HBP1: variants seen among roughly 807,000 people sequenced by gnomAD.
HBP1 encodes HMG box-containing protein 1.
Under a neutral mutation model 62.6 loss-of-function variants are expected in HBP1, and 20 were observed. The ratio of observed to expected loss-of-function variants is 0.32; its 90% confidence interval spans 0.22 to 0.46. The LOEUF is 0.46. Ranked by LOEUF, HBP1 falls within the 20% of genes least tolerant of loss-of-function variation. HBP1 has a pLI of 1.00. For missense variants in HBP1, 480 were observed against 611.8 expected (o/e 0.78, Z 2.27); for synonymous variants, 232 against 206.2 (o/e 1.12, Z -1.07).
intron 3 of HBP1, among the ~76,000 whole-genome samples, chr7:107,184,559 C>T (rs111450405): frequency 1.4e-4 from 22 of 151,968 alleles, no homozygotes; most frequent in African/African-American, 4.6e-4. Context: ...CGCCCAGGCT[C>T]GAGTGCAGTG....
chr7:107,183,593 A>C lies in HBP1; in HGVS notation c.398+992A>C, dbSNP rs539042071. Among the ~76,000 whole-genome samples the C allele has an allele frequency of 3.3e-5, 5 of 152,206 alleles. 1 individual carries two copies. In the East Asian group the frequency reaches 9.6e-4, roughly 29 times the overall value. On this transcript the variant is annotated intron_variant, in intron 3 of 10. Transcript: ENST00000222574. The stretch of plus-strand genomic sequence containing the variant: ...TTGTAATCTTAATAGTCAAAAAGCT[A>C]AAAATTCTTTTATTTATTTATTTTT...
At chr7:107,170,062 T>C (rs895231873) in intron 1 of HBP1, 31 of 985,236 alleles carry the variant, frequency 3.1e-5, no homozygotes, top group South Asian at 1.4e-4. Flanking sequence ...CGCTGTGCAC[T>C]CTACACTCGA....
At chr7:107,182,868 C>CTA (rs1380261871) in intron 3 of HBP1, among the ~76,000 whole-genome samples, 1 of 152,088 alleles carries the variant, frequency 6.6e-6, no homozygotes, top group Non-Finnish European at 1.5e-5. Flanking sequence ...AATACTTTTA[C>CTA]TATACATTTC....
intron 3 of HBP1, among the ~76,000 whole-genome samples, chr7:107,184,231 T>G (rs570415482): frequency 6.6e-6 from 1 of 152,260 alleles, no homozygotes; most frequent in East Asian, 1.9e-4. Flanking sequence ...TTCATATATA[T>G]CTAAATGTGT....
At chr7:107,183,471 T>C (rs548377415) in intron 3 of HBP1, among the ~76,000 whole-genome samples, 3 of 152,338 alleles carry the variant, frequency 2.0e-5, no homozygotes, top group African/African-American at 4.8e-5. Context: ...CTAGAGCAAA[T>C]TGAATTTAAT....
intron 8 of HBP1, among the ~76,000 whole-genome samples, chr7:107,194,146 A>T (rs780546776): frequency 5.9e-5 from 9 of 152,210 alleles, no homozygotes; most frequent in Non-Finnish European, 1.2e-4. Context: ...CTATGTCATT[A>T]CTGCTGCAGT....
chr7:107,198,368 C>G (rs1013510587), intron 9 of HBP1, among the ~76,000 whole-genome samples: 8 of 152,158 alleles, frequency 5.3e-5, no homozygotes, highest in Non-Finnish European at 1.0e-4. Flanking sequence ...ACCACCACAC[C>G]TGGCTAATTT....
chr7:107,172,785 A>G (rs1430133368), intron 1 of HBP1, among the ~76,000 whole-genome samples: 4 of 151,976 alleles, frequency 2.6e-5, no homozygotes, highest in Admixed American at 2.6e-4. Flanking sequence ...TAGAGATGGG[A>G]TCTTGCTATG....
At chr7:107,177,461 C>A (rs1244639256) in intron 1 of HBP1, among the ~76,000 whole-genome samples, 1 of 152,208 alleles carries the variant, frequency 6.6e-6, no homozygotes, top group African/African-American at 2.4e-5. Context: ...AGGCAATATG[C>A]ATGCAGTTGG....
At chr7:107,186,147 C>CTTTTTTTTTTTTTTTTTTTTTTT (rs961142033) in intron 4 of HBP1, among the ~76,000 whole-genome samples, 1 of 135,116 alleles carries the variant, frequency 7.4e-6, no homozygotes, top group African/African-American at 2.8e-5. Flanking sequence ...TTGTGTGTGT[C>CTTTTTTTTTTTTTTTTTTTTTTT]TTTTTTTTCT....
At chr7:107,169,701 C>G (rs1262213158) in intron 1 of HBP1, 6 of 980,692 alleles carry the variant, frequency 6.1e-6, no homozygotes, top group East Asian at 1.1e-4. Flanking sequence ...CCGCTGGGCC[C>G]CGGGGCTCAT....
At chr7:107,187,024 G>A (rs1014711061) in intron 6 of HBP1, among the ~76,000 whole-genome samples, 27 of 152,080 alleles carry the variant, frequency 1.8e-4, no homozygotes, top group Admixed American at 7.9e-4. Context: ...AGGCTGAGGC[G>A]GGTGGATCAC....
intron 8 of HBP1, among the ~76,000 whole-genome samples, chr7:107,193,774 A>C (rs1368997762): frequency 6.6e-6 from 1 of 152,220 alleles, no homozygotes; most frequent in Non-Finnish European, 1.5e-5. Context: ...TGATAGGAAC[A>C]TGAGCTCGAT....
intron 9 of HBP1, among the ~76,000 whole-genome samples, chr7:107,199,027 CAAGACT>C (rs1287411431): frequency 6.6e-6 from 1 of 151,776 alleles, no homozygotes; most frequent in Non-Finnish European, 1.5e-5. Flanking sequence ...ACCTGTAACC[CAAGACT>C]AAAAGTTTTT....
chr7:107,169,279 T>G, intron 1 of HBP1, 94 bp downstream of exon 1: 1 of 626,608 alleles, frequency 1.6e-6, no homozygotes, highest in East Asian at 1.1e-4. Flanking sequence ...CGGGTCCTCG[T>G]TCCTTCTTCT....
At chr7:107,176,043 G>A (rs1042955629) in intron 1 of HBP1, among the ~76,000 whole-genome samples, 1 of 139,342 alleles carries the variant, frequency 7.2e-6, no homozygotes, top group Non-Finnish European at 1.5e-5. Context: ...TTTTTTTTTC[G>A]GAAATGGAGT....
rs1165619035 is a variant in HBP1 at position 107,201,554 on chromosome 7, A to G, written c.*123A>G. 5 of 546,624 alleles carry G rather than the reference A, an allele frequency of 9.1e-6. No homozygotes were observed. The highest frequency in any genetic ancestry group is 3.8e-5 in the African/African-American group (2 of 52,024). 33.9% of individuals were successfully genotyped at this position (546,624 alleles called of 1,614,324 possible). Reference sequence around the variant, plus strand: ...CGTGTGACCATAAGATACTGATAGCATTGAGTCTTGAAATGATTTAATAAT... The same window carrying G: ...CGTGTGACCATAAGATACTGATAGCGTTGAGTCTTGAAATGATTTAATAAT... On this transcript the variant is annotated 3_prime_UTR_variant, in exon 11 of 11. Transcript: ENST00000222574.
chr7:107,196,563 C>T (rs897025995), intron 9 of HBP1: 28 of 251,368 alleles, frequency 1.1e-4, no homozygotes, highest in African/African-American at 4.6e-4. Flanking sequence ...CCACTGTGCC[C>T]GGCCAGGTTG....
rs1341486292 is a variant in HBP1 at position 107,201,847 on chromosome 7, A to ACACATGATGAAATGAAG, written c.*419_*435dup. 1 of 155,550 alleles carries ACACATGATGAAATGAAG rather than the reference A, an allele frequency of 6.4e-6. No individual in the cohort carries two copies. The allele number at this position is 155,550 out of a possible 1,614,324, so 9.6% of individuals were successfully genotyped here. A position where few individuals can be genotyped will look rare whatever the true frequency, so the allele number is the denominator to read the frequency against. Reference sequence around the variant, plus strand: ...CTTACTGCTTATTAATCTGTATTGTACACATGATGAAATGAAGCAGAAGCT... The same window carrying ACACATGATGAAATGAAG: ...CTTACTGCTTATTAATCTGTATTGTACACATGATGAAATGAAGCACATGATGAAATGAAGCAGAAGCT... On this transcript the variant is annotated 3_prime_UTR_variant, in exon 11 of 11. Transcript: ENST00000222574.
Sources: allele counts gnomAD v4.1 joint callset (sites outside exome capture counted in the v4.1 genomes callset), GRCh38; gene constraint gnomAD v4.1.1; transcripts MANE v1.5; gene names NCBI Gene and HGNC (gene_info 2026-07-23, HGNC 2026-07-21).